The following OGFRL1 variants were observed in gnomAD, a reference collection of about 807,000 sequenced individuals.
OGFRL1 encodes opioid growth factor receptor-like protein 1.
A neutral mutation model predicts 32.4 loss-of-function variants in OGFRL1; 26 were observed. The observed-to-expected ratio is 0.80, with a 90% CI of 0.59 to 1.11. The LOEUF is 1.11. OGFRL1 is among the 50% of genes most tolerant of loss of function. The probability of loss-of-function intolerance (pLI) is 0.00; values close to 1 mark genes in which losing one functional copy is unlikely to be tolerated. For missense variants in OGFRL1, 521 were observed against 546.4 expected (o/e 0.95, Z 0.46); for synonymous variants, 211 against 201.2 (o/e 1.05, Z -0.41).
chr6:71,301,285 T>C lies in OGFRL1; in HGVS notation c.693-101T>C, dbSNP rs1766376295. 4 of 1,000,568 alleles carry C rather than the reference T, an allele frequency of 4.0e-6. No homozygotes were observed. The African/African-American group carries it at 6.5e-5, about 16-fold the overall frequency. 62.0% of individuals were successfully genotyped at this position (1,000,568 alleles called of 1,614,324 possible). On this transcript the variant is annotated intron_variant, in intron 6 of 6. Transcript: ENST00000370435. ...GAAGTCATTACACAGCATATTTCCA[T>C]GGCTTACATTTCCATAAAAAATATT...
At position 71,288,870 on chromosome 6, in the gene OGFRL1, C is replaced by G. The variant is rs1413158884; in HGVS notation, c.-67C>G. 5 of 1,145,066 alleles carry G rather than the reference C, an allele frequency of 4.4e-6. No homozygotes were observed. Among genetic ancestry groups the G allele is most frequent in the Non-Finnish European group, 5.4e-6 (5 of 919,996 alleles). The allele number at this position is 1,145,066 out of a possible 1,614,324, so 70.9% of individuals were successfully genotyped here. Reference sequence around the variant, plus strand: ...CGCCCTCGCCGCGGCCATGCCCGGGCCCTAGAGCGCCTGCCGCAGCTTGCG... The same window carrying G: ...CGCCCTCGCCGCGGCCATGCCCGGGGCCTAGAGCGCCTGCCGCAGCTTGCG... On this transcript the variant is annotated 5_prime_UTR_variant, in exon 1 of 7. Coordinates refer to ENST00000370435, the MANE Select transcript of OGFRL1 (RefSeq NM_024576.5).
In OGFRL1 at chr6:71,289,183, G is replaced by C; in HGVS notation, c.234+13G>C. On this transcript the variant is annotated intron_variant, in intron 1 of 6. Coordinates refer to ENST00000370435, the MANE Select transcript of OGFRL1 (RefSeq NM_024576.5). The stretch of plus-strand genomic sequence containing the variant: ...GGGCGCCGAGCAGGTACGCGGCCCA[G>C]CGGTGGCCTCGGGTCGGGCTGGGGC... 1.9e-6 allele frequency: 2 copies of C among 1,071,138 alleles called. No homozygotes were observed. The highest frequency in any genetic ancestry group is 4.3e-4 in the Middle Eastern group (1 of 2,344). 66.4% of individuals were successfully genotyped at this position (1,071,138 alleles called of 1,614,324 possible).
intron 6 of OGFRL1, 52 bp from the exon 7 acceptor site, chr6:71,301,334 G>A: frequency 7.1e-7 from 1 of 1,407,324 alleles, no homozygotes; most frequent in Non-Finnish European, 9.6e-7. Context: ...TCATTCTCCT[G>A]CCTTCCTACA....
In OGFRL1 at chr6:71,296,388, A is replaced by C; in HGVS notation, c.472A>C (p.Ile158Leu). The C allele has an allele frequency of 6.2e-7, 1 of 1,611,312 alleles. No homozygotes were observed. Among genetic ancestry groups the C allele is most frequent in the East Asian group, 2.2e-5 (1 of 44,748 alleles). The change falls in exon 4 of 7, where the codon ATT becomes CTT. Residue 158 changes from isoleucine (I) to leucine (L), a missense_variant. Physicochemically the swap from Ile to Leu is conservative, Grantham distance 5. Transcript: ENST00000370435. ...YEKLEHNHTY[I>L]QWLFPLREQG... ...AAAACTGGAGCACAACCACACTTAC[A>C]TTCAATGGTCAGTTACATATTATCT...
chr6:71,289,467 G>A (rs1272433314), intron 1 of OGFRL1: 1 of 979,912 alleles, frequency 1.0e-6, no homozygotes, highest in Admixed American at 6.5e-5. Flanking sequence ...CTGCAGAGCA[G>A]CTGGATTATG....
chr6:71,289,306 G>A, intron 1 of OGFRL1, 136 bp downstream of exon 1: 2 of 1,010,488 alleles, frequency 2.0e-6, no homozygotes, highest in African/African-American at 3.5e-5. Context: ...ACCCCTCCGC[G>A]CCGCGGCTGA....
chr6:71,300,804 A>G (rs941480451), intron 6 of OGFRL1, among the ~76,000 whole-genome samples: 4 of 152,222 alleles, frequency 2.6e-5, no homozygotes, highest in African/African-American at 9.6e-5. Context: ...TCCAAAGCCC[A>G]TGCTCTTAAC....
intron 1 of OGFRL1, 123 bp downstream of exon 1, chr6:71,289,293 C>G (rs1765964130): frequency 9.9e-7 from 1 of 1,010,288 alleles, no homozygotes; most frequent in Non-Finnish European, 1.2e-6. Context: ...CCGCTGCGAC[C>G]CGACCCCTCC....
Position 71,308,618 on chromosome 6 carries a change from C to T in OGFRL1, c.*6569C>T, listed in dbSNP as rs2149360383. 1 of 152,236 alleles carries T rather than the reference C, an allele frequency of 6.6e-6. No homozygotes were observed. The highest frequency in any genetic ancestry group is 1.9e-4 in the East Asian group (1 of 5,188). The allele number at this position is 152,236 out of a possible 1,614,324, so 9.4% of individuals were successfully genotyped here. ...CTGTGCATGTTCGTTAGTACCAATA[C>T]CATGTGTATGTGGTAGAAGTTGTAA... is the stretch of plus-strand genomic sequence containing the variant. On this transcript the variant is annotated 3_prime_UTR_variant, in exon 7 of 7. Transcript: ENST00000370435.
intron 6 of OGFRL1, among the ~76,000 whole-genome samples, chr6:71,299,900 AGATGAAGAT>A (rs1482035408): frequency 2.6e-5 from 4 of 152,202 alleles, no homozygotes; most frequent in African/African-American, 7.2e-5. Context: ...ACATCCAGAA[AGATGAAGAT>A]GATGAACTGT....
intron 6 of OGFRL1, among the ~76,000 whole-genome samples, chr6:71,297,227 A>C (rs1031011465): frequency 1.2e-4 from 19 of 152,148 alleles, no homozygotes; most frequent in Admixed American, 2.0e-4. Context: ...CTTAAGATTA[A>C]ATTCATGCAT....
intron 1 of OGFRL1, chr6:71,292,143 A>G (rs1248394004): frequency 2.0e-5 from 3 of 152,190 alleles, no homozygotes; most frequent in Non-Finnish European, 4.4e-5. Context: ...TAGGATGATG[A>G]TTCATATGGT....
intron 1 of OGFRL1, among the ~76,000 whole-genome samples, chr6:71,290,482 A>G (rs61358896): frequency 0.048 from 7,371 of 152,258 alleles, 568 homozygotes; most frequent in African/African-American, 0.17. Flanking sequence ...CTAAGATTCA[A>G]TCCAACTAAC....
rs1236949916 is a variant in OGFRL1 at position 71,308,428 on chromosome 6, G to C, written c.*6379G>C. On this transcript the variant is annotated 3_prime_UTR_variant, in exon 7 of 7. Transcript: ENST00000370435. ...TTATCTAAGAAGGATGGTAGATTATGTCATTTTGGAAACTATTGTGTCCCT... is the reference window on the plus strand; with the variant it reads ...TTATCTAAGAAGGATGGTAGATTATCTCATTTTGGAAACTATTGTGTCCCT... The C allele has an allele frequency of 6.6e-6, 1 of 152,168 alleles. No individual in the cohort carries two copies. Among genetic ancestry groups the C allele is most frequent in the Admixed American group, 6.5e-5 (1 of 15,280 alleles). 9.4% of individuals were successfully genotyped at this position (152,168 alleles called of 1,614,324 possible).
chr6:71,289,449 C>G, intron 1 of OGFRL1: 3 of 974,634 alleles, frequency 3.1e-6, no homozygotes, highest in Non-Finnish European at 3.6e-6. Flanking sequence ...TGGGTGTTTT[C>G]TTTGCCTCTG....
intron 6 of OGFRL1, among the ~76,000 whole-genome samples, chr6:71,299,295 T>C (rs1189639278): frequency 6.6e-6 from 1 of 152,314 alleles, no homozygotes; most frequent in Non-Finnish European, 1.5e-5. Flanking sequence ...GTTTATACAT[T>C]ATAAGGATTT....
At chr6:71,297,234 G>A (rs1272897601) in intron 6 of OGFRL1, among the ~76,000 whole-genome samples, 1 of 152,046 alleles carries the variant, frequency 6.6e-6, no homozygotes, top group Admixed American at 6.6e-5. Context: ...TTAAATTCAT[G>A]CATTAAGCCT....
chr6:71,300,612 G>C (rs111322723), intron 6 of OGFRL1, among the ~76,000 whole-genome samples: 1 of 152,194 alleles, frequency 6.6e-6, no homozygotes, highest in East Asian at 1.9e-4. Context: ...GTTTTAAATA[G>C]TATCTAGTAC....
chr6:71,296,778 G>A lies in OGFRL1; in HGVS notation c.653G>A (p.Arg218Gln), dbSNP rs1766224179. The change falls in exon 6 of 7, where the codon CGG (arginine) becomes CAG (glutamine). Residue 218 changes from arginine (R) to glutamine (Q), a missense_variant. Physicochemically the swap from Arg to Gln is conservative, Grantham distance 43 (BLOSUM62 1). Transcript: ENST00000370435. ...ACTGATAAAACTGGAAATGTTGCTC[G>A]GGCTGTTAACTGGCAGGAAAGATTT... ...KLTDKTGNVA[R>Q]AVNWQERFQH... 1.2e-6 allele frequency: 2 copies of A among 1,613,330 alleles called. No individual in the cohort carries two copies. Among genetic ancestry groups the A allele is most frequent in the East Asian group, 2.2e-5 (1 of 44,858 alleles).
Sources: allele counts gnomAD v4.1 joint callset (sites outside exome capture counted in the v4.1 genomes callset), GRCh38; gene constraint gnomAD v4.1.1; transcripts MANE v1.5; gene names NCBI Gene and HGNC (gene_info 2026-07-23, HGNC 2026-07-21).